Variants in TECPR1 observed in about 807,000 individuals in gnomAD.
TECPR1 encodes the protein tectonin beta-propeller repeat-containing protein 1.
A neutral mutation model predicts 162.4 loss-of-function variants in TECPR1; 122 were observed. The observed-to-expected ratio is 0.75, with a 90% CI of 0.65 to 0.87. TECPR1 has a LOEUF of 0.87. Ranked by LOEUF, TECPR1 falls within the 40% of genes least tolerant of loss-of-function variation. The pLI is 0.00. For missense variants in TECPR1, 1,432 were observed against 1,618.2 expected, an observed-to-expected ratio of 0.88 and a Z score of 1.97; for synonymous variants, 642 against 670.6, an observed-to-expected ratio of 0.96 and a Z score of 0.66.
rs1016997535 is a variant in TECPR1, at chr7:98,230,945, A to G, written c.2282+16T>C. On this transcript the variant is annotated intron_variant, in intron 15 of 25. Transcript: ENST00000447648. ...AGGCCAGGCCCCAGACCCCACCCAG[A>G]GTGCGGCTCACTCACATCTGGTCGC... 2 of 1,604,648 alleles carry G rather than the reference A, an allele frequency of 1.2e-6. No individual in the cohort carries two copies. Among genetic ancestry groups the G allele is most frequent in the Non-Finnish European group, 1.7e-6 (2 of 1,175,274 alleles).
chr7:98,240,911 G>A lies in TECPR1; in HGVS notation c.873C>T (p.Asn291=), dbSNP rs368169769. 102 of 1,609,278 alleles carry A rather than the reference G, an allele frequency of 6.3e-5. No individual in the cohort carries two copies. The highest frequency in any genetic ancestry group is 8.6e-5 in the Non-Finnish European group (101 of 1,178,932). ...CTCCCACCGAGATGTGCATGACCCC[G>A]TTTTCAGATCCAGGAGGCTCCACGA... ...WSIVEPPGSE[N]GVMHISVGVS... The change falls in exon 8 of 26, where the codon AAC becomes AAT. Residue 291 remains asparagine, a synonymous_variant. Transcript: ENST00000447648.
chr7:98,246,166 C>G lies in TECPR1; in HGVS notation c.-19-1G>C. Reference sequence around the variant, plus strand: ...GGGCATGGCAGCGGCTGGAGGTAACCTGCGGCAGGAGGACGAGGGCCAGCG... The same window carrying G: ...GGGCATGGCAGCGGCTGGAGGTAACGTGCGGCAGGAGGACGAGGGCCAGCG... On this transcript the variant is annotated splice_acceptor_variant, in intron 2 of 25. Transcript: ENST00000447648. LOFTEE classifies it low-confidence loss of function (5UTR_SPLICE). 2 of 1,534,258 alleles carry G rather than the reference C, an allele frequency of 1.3e-6. No individual in the cohort carries two copies. The highest frequency in any genetic ancestry group is 1.8e-6 in the Non-Finnish European group (2 of 1,135,134).
At chr7:98,244,716 C>T (rs1798857038) in intron 4 of TECPR1, 23 bp from the exon 5 acceptor site, 1 of 1,600,012 alleles carries the variant, frequency 6.2e-7, no homozygotes, top group Non-Finnish European at 8.5e-7. Flanking sequence ...GGAAGGGGCT[C>T]TCAGGCTCTG....
Position 98,241,951 on chromosome 7 carries a change from C to T in TECPR1, c.658-707G>A, listed in dbSNP as rs931609777. ...ACCACAGGTGTGGTGCAGGCAGCAC[C>T]AGCTCACGGCCGACATTCCAGGACA... On this transcript the variant is annotated intron_variant, in intron 6 of 25. Coordinates refer to ENST00000447648, the MANE Select transcript of TECPR1 (RefSeq NM_015395.3). The surrounding 1 kb of genome is among the most constrained non-coding windows in gnomAD (Gnocchi z 5.0). 1.3e-5 allele frequency among the ~76,000 whole-genome samples: 2 copies of T among 152,204 alleles called. No individual in the cohort carries two copies. Among genetic ancestry groups the T allele is most frequent in the African/African-American group, 4.8e-5 (2 of 41,446 alleles).
At position 98,241,870 on chromosome 7, in the gene TECPR1, C is replaced by A. The variant is rs1441618059; in HGVS notation, c.658-626G>T. 6.6e-6 allele frequency among the ~76,000 whole-genome samples: 1 copy of A among 152,172 alleles called. No individual in the cohort carries two copies. Among genetic ancestry groups the A allele is most frequent in the Non-Finnish European group, 1.5e-5 (1 of 68,018 alleles). ...GAGCCTCCCTTCGGCTAGCAGGTGG[C>A]CCATCTGTCTCCCCAGCTTCTACAG... On this transcript the variant is annotated intron_variant, in intron 6 of 25. Transcript: ENST00000447648. The surrounding 1 kb of genome is among the most constrained non-coding windows in gnomAD (Gnocchi z 5.0).
Position 98,233,552 on chromosome 7 carries a change from G to A in TECPR1, c.1541C>T (p.Ser514Phe). Residue 514 changes from serine to phenylalanine, a missense_variant, in exon 11 of 26, where the codon TCT (serine) becomes TTT (phenylalanine). Transcript: ENST00000447648. ...AGFPETTSLS[S>F]LGLLPLGLEE... is the part of the protein sequence containing the mutation. Reference sequence around the variant, plus strand: ...CAAGCCCAGTGGGAGGAGCCCCAGAGAGGAGAGGCTGGTGGTCTCGGGGAA... The same window carrying A: ...CAAGCCCAGTGGGAGGAGCCCCAGAAAGGAGAGGCTGGTGGTCTCGGGGAA... The A allele has an allele frequency of 1.3e-6, 2 of 1,596,168 alleles. No individual in the cohort carries two copies. The highest frequency in any genetic ancestry group is 1.7e-6 in the Non-Finnish European group (2 of 1,173,016).
In TECPR1 at chr7:98,216,980, G is replaced by A. The variant is rs1022831315; in HGVS notation, c.*410C>T. On this transcript the variant is annotated 3_prime_UTR_variant, in exon 26 of 26. Transcript: ENST00000447648. ...GCCATCTCTCTTGGTGAGGGGTGGC[G>A]GGCCCGGGTGCTGTCTGAGATGCCA... is the stretch of plus-strand genomic sequence containing the variant. 1.3e-4 allele frequency: 23 copies of A among 180,758 alleles called. No homozygotes were observed. Among genetic ancestry groups the A allele is most frequent in the Non-Finnish European group, 2.2e-4 (19 of 85,646 alleles). 11.2% of individuals were successfully genotyped at this position (180,758 alleles called of 1,614,324 possible).
At chr7:98,229,299 C>G (rs1203566021) in intron 15 of TECPR1, 133 bp from the exon 16 acceptor site, 3 of 1,206,128 alleles carry the variant, frequency 2.5e-6, no homozygotes, top group Non-Finnish European at 3.4e-6. Flanking sequence ...CACAGACCAT[C>G]CACCCTGCCT....
intron 2 of TECPR1, among the ~76,000 whole-genome samples, chr7:98,246,731 C>T (rs769549632): frequency 2.0e-5 from 3 of 151,752 alleles, no homozygotes; most frequent in East Asian, 2.0e-4. Context: ...TACAGGTGCA[C>T]GCCACCACGC....
rs184376537 is a variant in TECPR1 at position 98,221,570 on chromosome 7, G to A, written c.3157+91C>T. ...TCGAACTCCTGATCTCAGGTGATCCGCTGGCCTCGGCCTCCCAAAGTGCTG... is the reference window on the plus strand; with the variant it reads ...TCGAACTCCTGATCTCAGGTGATCCACTGGCCTCGGCCTCCCAAAGTGCTG... On this transcript the variant is annotated intron_variant, in intron 23 of 25. Coordinates refer to ENST00000447648, the MANE Select transcript of TECPR1 (RefSeq NM_015395.3). The A allele has an allele frequency of 9.3e-4, 1,042 of 1,114,502 alleles. 6 individuals carry two copies. The African/African-American group carries it at 0.015, about 16-fold the overall frequency. 69.0% of individuals were successfully genotyped at this position (1,114,502 alleles called of 1,614,324 possible). A position where few individuals can be genotyped will look rare whatever the true frequency, so the allele number is the denominator to read the frequency against.
chr7:98,235,240 C>G (rs929610494), intron 10 of TECPR1, among the ~76,000 whole-genome samples: 1 of 152,234 alleles, frequency 6.6e-6, no homozygotes, highest in South Asian at 2.1e-4. Flanking sequence ...GAACTAACAG[C>G]TGGGGCCAGG....
At position 98,241,067 on chromosome 7, in the gene TECPR1, C is replaced by A; in HGVS notation, c.832+3G>T. ...ATGTGGGTGGGGGAGCCGGGCTGCC[C>A]ACCTTTGGGATTGCTCCTGTTGATT... On this transcript the variant is annotated splice_donor_region_variant and intron_variant, in intron 7 of 25. Coordinates refer to ENST00000447648, the MANE Select transcript of TECPR1 (RefSeq NM_015395.3). The surrounding 1 kb of genome is among the most constrained non-coding windows in gnomAD (Gnocchi z 5.0). 3 of 1,602,152 alleles carry A rather than the reference C, an allele frequency of 1.9e-6. No homozygotes were observed. The highest frequency in any genetic ancestry group is 2.2e-5 in the East Asian group (1 of 44,494).
chr7:98,222,430 C>T lies in TECPR1; in HGVS notation c.3020G>A (p.Gly1007Asp). ...CACGGATCCCCGGTAGAAGGCGGAG[C>T]CGTCCCTTGCCACGGCCCACACCTG... ...CYQVWAVARDGSAFYRGSVYP... is the reference protein window; with the variant it reads ...CYQVWAVARDDSAFYRGSVYP... The change falls in exon 22 of 26, where the codon GGC becomes GAC. Residue 1007 changes from glycine to aspartate, a missense_variant. Transcript: ENST00000447648. 1 of 1,595,842 alleles carries T rather than the reference C, an allele frequency of 6.3e-7. No individual in the cohort carries two copies. Among genetic ancestry groups the T allele is most frequent in the Non-Finnish European group, 8.5e-7 (1 of 1,172,316 alleles).
chr7:98,221,838 C>A, intron 22 of TECPR1, 85 bp from the exon 23 acceptor site: 1 of 1,059,988 alleles, frequency 9.4e-7, no homozygotes, highest in Non-Finnish European at 1.4e-6. Flanking sequence ...TCCCCAGCTG[C>A]CTCTCGGATG....
chr7:98,227,979 A>C, intron 17 of TECPR1, 35 bp downstream of exon 17: 1 of 1,566,214 alleles, frequency 6.4e-7, no homozygotes. Context: ...GGCCTATGCC[A>C]GGCAGCATCC....
chr7:98,221,542 G>A, intron 23 of TECPR1, 119 bp downstream of exon 23: 1 of 807,500 alleles, frequency 1.2e-6, no homozygotes, highest in Non-Finnish European at 2.1e-6. Flanking sequence ...GGCCAGGCTG[G>A]TCTCGAACTC....
chr7:98,247,991 G>C lies in TECPR1; in HGVS notation c.-19-1826C>G, dbSNP rs200545096. On this transcript the variant is annotated intron_variant, in intron 2 of 25. Coordinates refer to ENST00000447648, the MANE Select transcript of TECPR1 (RefSeq NM_015395.3). Reference sequence around the variant, plus strand: ...TCCTCCCACCTTGGCCTCCCGAAGCGCTGGGATTATAGACGTGAGCCACTG... The same window carrying C: ...TCCTCCCACCTTGGCCTCCCGAAGCCCTGGGATTATAGACGTGAGCCACTG... Among the ~76,000 whole-genome samples, 3 of 152,184 alleles carry C rather than the reference G, an allele frequency of 2.0e-5. No homozygotes were observed. The East Asian group carries it at 5.8e-4, about 29-fold the overall frequency.
chr7:98,239,657 G>A (rs1798695953), intron 8 of TECPR1, among the ~76,000 whole-genome samples: 1 of 152,206 alleles, frequency 6.6e-6, no homozygotes, highest in African/African-American at 2.4e-5. Flanking sequence ...TCTGGGAAGT[G>A]GGGTGACCAG....
At chr7:98,228,627 G>T (rs771135535) in intron 16 of TECPR1, 2 of 210,802 alleles carry the variant, frequency 9.5e-6, no homozygotes, top group Non-Finnish European at 1.9e-5. Flanking sequence ...CTGCTCCCCC[G>T]TGGGGCATGT....
Sources: gnomAD v4.1 joint callset for allele counts (sites outside exome capture counted in the v4.1 genomes callset) on GRCh38, gnomAD v4.1.1 for gene constraint, Gnocchi (gnomAD v3.1) non-coding constraint, MANE v1.5 for transcripts, NCBI Gene and HGNC (gene_info 2026-07-23, HGNC 2026-07-21) for gene names.